The following GRTP1 variants were observed in gnomAD, a reference collection of about 807,000 sequenced individuals.
GRTP1 encodes growth hormone regulated TBC protein 1.
A neutral mutation model predicts 38.1 loss-of-function variants in GRTP1; 56 were observed. The ratio of observed to expected loss-of-function variants is 1.47; its 90% CI spans 1.19 to 1.84. The LOEUF (loss-of-function observed/expected upper bound fraction) is 1.84, where lower values mean the gene tolerates loss of function less well. Among genes scored for constraint, GRTP1 ranks in the 40% most tolerant of loss-of-function variants. GRTP1 has a pLI of 0.00. For synonymous variants in GRTP1, 217 were observed against 189.5 expected, an observed-to-expected ratio of 1.14 and a Z score of -1.19; for missense variants, 506 against 453.9, an observed-to-expected ratio of 1.11 and a Z score of -1.04.
At chr13:113,339,922 T>C (rs1595487175) in intron 5 of GRTP1, 1 of 152,226 alleles carries the variant, frequency 6.6e-6, no homozygotes, top group East Asian at 1.9e-4. Flanking sequence ...TATTCATCAG[T>C]GAGATTAGTC....
At chr13:113,330,249 A>G (rs1383282111) in intron 5 of GRTP1, among the ~76,000 whole-genome samples, 30 of 131,090 alleles carry the variant, frequency 2.3e-4, no homozygotes, top group African/African-American at 3.9e-4. Flanking sequence ...GTGTGCATGG[A>G]AACCCAGGTG....
chr13:113,327,095 C>T (rs951429393), intron 5 of GRTP1, among the ~76,000 whole-genome samples: 8 of 152,222 alleles, frequency 5.3e-5, no homozygotes, highest in African/African-American at 1.9e-4. Context: ...AACAGCTTGC[C>T]CTTCTTTTGA....
Position 113,324,377 on chromosome 13 carries a change from A to T in GRTP1, c.*111T>A, listed in dbSNP as rs1256305431. 29 of 1,368,570 alleles carry T rather than the reference A, an allele frequency of 2.1e-5. No individual in the cohort carries two copies. Among genetic ancestry groups the T allele is most frequent in the Non-Finnish European group, 2.7e-5 (28 of 1,053,152 alleles). The allele number at this position is 1,368,570 out of a possible 1,614,324, so 84.8% of individuals were successfully genotyped here. ...AAAAATTCACAACTAAAGTGTAGTG[A>T]TGTCAAGTATTTACAACACTAAAAA... On this transcript the variant is annotated 3_prime_UTR_variant, in exon 8 of 8. Coordinates refer to ENST00000375431, the MANE Select transcript of GRTP1 (RefSeq NM_024719.4).
Position 113,349,652 on chromosome 13 carries a change from C to G in GRTP1, c.465+1197G>C, listed in dbSNP as rs1170840090. ...CAGCACGTGGAACAGCTGGTGAGGA[C>G]AGCGTGGTCCCGTGGCTCTGCTGCT... On this transcript the variant is annotated intron_variant, in intron 4 of 7. Coordinates refer to ENST00000375431, the MANE Select transcript of GRTP1 (RefSeq NM_024719.4). This position sits in a 1 kb window ranked among gnomAD's most constrained non-coding sequence, Gnocchi z 5.0. Among the ~76,000 whole-genome samples the G allele has an allele frequency of 1.3e-5, 2 of 152,226 alleles. No individual in the cohort carries two copies. The highest frequency in any genetic ancestry group is 1.3e-4 in the Admixed American group (2 of 15,286).
chr13:113,335,587 G>A (rs1408160293), intron 5 of GRTP1, among the ~76,000 whole-genome samples: 5 of 152,038 alleles, frequency 3.3e-5, no homozygotes, highest in Admixed American at 3.3e-4. Context: ...TCTTCTAACT[G>A]TAGGTCTGTA....
intron 5 of GRTP1, among the ~76,000 whole-genome samples, chr13:113,329,612 A>G (rs1303369260): frequency 6.6e-6 from 1 of 152,126 alleles, no homozygotes; most frequent in East Asian, 1.9e-4. Context: ...ATAAAAATAA[A>G]TTACTGCAAG....
At chr13:113,337,791 C>T (rs1391501296) in intron 5 of GRTP1, among the ~76,000 whole-genome samples, 1 of 152,232 alleles carries the variant, frequency 6.6e-6, no homozygotes, top group Non-Finnish European at 1.5e-5. Flanking sequence ...CAGGTGACCT[C>T]AGGGAACCCC....
Position 113,349,957 on chromosome 13 carries a change from G to A in GRTP1, c.465+892C>T, listed in dbSNP as rs898755223. ...AGCCAGCCACAACCCCTAGGAGCCC[G>A]TGAAGCACATGGCCTAAAATGCCAG... On this transcript the variant is annotated intron_variant, in intron 4 of 7. Transcript: ENST00000375431. The surrounding 1 kb of genome is among the most constrained non-coding windows in gnomAD (Gnocchi z 5.0). Among the ~76,000 whole-genome samples, 2 of 152,120 alleles carry A rather than the reference G, an allele frequency of 1.3e-5. No individual in the cohort carries two copies. Among genetic ancestry groups the A allele is most frequent in the African/African-American group, 4.8e-5 (2 of 41,410 alleles).
At chr13:113,330,339 T>G (rs1170199956) in intron 5 of GRTP1, among the ~76,000 whole-genome samples, 1 of 101,972 alleles carries the variant, frequency 9.8e-6, no homozygotes, top group Non-Finnish European at 1.9e-5. Context: ...AACCCAGGTG[T>G]GTGCATGGGA....
intron 5 of GRTP1, among the ~76,000 whole-genome samples, chr13:113,326,377 T>TGGGGGGGGGGGGGGGGGGGGGGG (rs1298880217): frequency 8.9e-4 from 2 of 2,248 alleles, no homozygotes; most frequent in Admixed American, 4.5e-3. Flanking sequence ...GGTGGCGCGG[T>TGGGGGGGGGGGGGGGGGGGGGGG]GGGGGGGGGG....
chr13:113,349,515 C>T lies in GRTP1; in HGVS notation c.465+1334G>A, dbSNP rs2043223336. ...TCAACTCCAGAAGGCCACGTTCTTG[C>T]TCCTGGACAGTCATAAAAGTGAGGA... On this transcript the variant is annotated intron_variant, in intron 4 of 7. Coordinates refer to ENST00000375431, the MANE Select transcript of GRTP1 (RefSeq NM_024719.4). This position sits in a 1 kb window ranked among gnomAD's most constrained non-coding sequence, Gnocchi z 5.0. 6.6e-6 allele frequency among the ~76,000 whole-genome samples: 1 copy of T among 152,354 alleles called. No individual in the cohort carries two copies. Among genetic ancestry groups the T allele is most frequent in the African/African-American group, 2.4e-5 (1 of 41,582 alleles).
rs2042753199 is a variant in GRTP1, at chr13:113,325,738, T to C, written c.844A>G (p.Ser282Gly). 1.2e-6 allele frequency: 2 copies of C among 1,614,090 alleles called. No homozygotes were observed. The highest frequency in any genetic ancestry group is 1.1e-5 in the South Asian group (1 of 91,094). ...AACTTATCGCAAATGTCTGGAACGC[T>C]GGTGGCTTCCAAAATCAACTCCTGG... ...QHQELILEAT[S>G]VPDICDKFKQ... The change falls in exon 7 of 8, where the codon AGC becomes GGC. Residue 282 changes from serine to glycine, a missense_variant. Coordinates refer to ENST00000375431, the MANE Select transcript of GRTP1 (RefSeq NM_024719.4).
At chr13:113,352,232 T>TTA (rs58692797) in intron 3 of GRTP1, among the ~76,000 whole-genome samples, 26 of 79,722 alleles carry the variant, frequency 3.3e-4, no homozygotes, top group Middle Eastern at 7.8e-3. Flanking sequence ...TTTTCTATAT[T>TTA]TATATATATA....
At chr13:113,362,344 C>A (rs972884739) in intron 2 of GRTP1, among the ~76,000 whole-genome samples, 1 of 151,872 alleles carries the variant, frequency 6.6e-6, no homozygotes, top group Admixed American at 6.6e-5. Context: ...ATAAATAAAT[C>A]AAAAAGAATA....
rs545970697 is a variant in GRTP1, at chr13:113,337,918, G to A, written c.562+6945C>T. Among the ~76,000 whole-genome samples the A allele has an allele frequency of 3.1e-4, 47 of 152,386 alleles. 1 individual carries two copies. The South Asian group carries it at 7.9e-3, about 25-fold the overall frequency. On this transcript the variant is annotated intron_variant, in intron 5 of 7. Coordinates refer to ENST00000375431, the MANE Select transcript of GRTP1 (RefSeq NM_024719.4). Reference sequence around the variant, plus strand: ...TGGTCCCCACAGAATGTGCCTTGTCGGTCCACATCTCAGCCAGTCCTCCCA... The same window carrying A: ...TGGTCCCCACAGAATGTGCCTTGTCAGTCCACATCTCAGCCAGTCCTCCCA...
chr13:113,355,376 T>TG lies in GRTP1; in HGVS notation c.286dup (p.His96ProfsTer53). 6.2e-7 allele frequency: 1 copy of TG among 1,614,084 alleles called. No homozygotes were observed. The highest frequency in any genetic ancestry group is 2.2e-5 in the East Asian group (1 of 44,862). On this transcript the variant is annotated frameshift_variant, in exon 3 of 8. Transcript: ENST00000375431. LOFTEE classifies it high-confidence loss of function. ...GTTTCTCTCTCCCTGGAGAAGCTGGTGGTAGTAGCCGGGATTCTGGTCCAT... is the reference window on the plus strand; with the variant it reads ...GTTTCTCTCTCCCTGGAGAAGCTGGTGGGTAGTAGCCGGGATTCTGGTCCAT...
At chr13:113,340,554 C>A (rs937350648) in intron 5 of GRTP1, among the ~76,000 whole-genome samples, 1 of 151,428 alleles carries the variant, frequency 6.6e-6, no homozygotes, top group Admixed American at 6.6e-5. Flanking sequence ...CCAAGGTGGG[C>A]GGATCACCTG....
intron 5 of GRTP1, among the ~76,000 whole-genome samples, chr13:113,337,137 T>TA (rs1376853794): frequency 3.3e-5 from 5 of 151,304 alleles, no homozygotes; most frequent in Non-Finnish European, 5.9e-5. Flanking sequence ...GTACTCAAAA[T>TA]AAAAAAATTA....
intron 7 of GRTP1, chr13:113,325,340 C>T (rs560855622): frequency 2.9e-5 from 41 of 1,409,320 alleles, no homozygotes; most frequent in African/African-American, 2.9e-4. Flanking sequence ...ATACGGCCTG[C>T]GCCAGGTCCA....
Sources: gnomAD v4.1 joint callset for allele counts (sites outside exome capture counted in the v4.1 genomes callset) on GRCh38, gnomAD v4.1.1 for gene constraint, Gnocchi (gnomAD v3.1) non-coding constraint, MANE v1.5 for transcripts, NCBI Gene and HGNC (gene_info 2026-07-23, HGNC 2026-07-21) for gene names.